Variants in KIF17 observed in about 807,000 individuals in gnomAD.
KIF17 encodes kinesin-like protein KIF17.
In KIF17, 80 loss-of-function variants were observed where a neutral mutation model predicts 96.8. The observed-to-expected ratio is 0.83, with a 90% confidence interval of 0.69 to 1.00. KIF17 has a LOEUF of 1.00. Among genes scored for constraint, KIF17 ranks in the 50% least tolerant of loss-of-function variants. KIF17 has a pLI of 0.00. For missense variants in KIF17, 1,280 were observed against 1,372.9 expected (o/e 0.93, Z 1.07); for synonymous variants, 567 against 587.5 (o/e 0.97, Z 0.51).
intron 6 of KIF17, among the ~76,000 whole-genome samples, chr1:20,694,911 C>G (rs1312114221): frequency 6.6e-6 from 1 of 152,168 alleles, no homozygotes; most frequent in Non-Finnish European, 1.5e-5. Flanking sequence ...ACTCCCTCAC[C>G]CAGCCCCTCT....
rs776193819 is a variant in KIF17 at position 20,682,595 on chromosome 1, C to A, written c.2463+58G>T. On this transcript the variant is annotated intron_variant, in intron 11 of 14. Coordinates refer to ENST00000400463, the MANE Select transcript of KIF17 (RefSeq NM_001122819.3). The stretch of plus-strand genomic sequence containing the variant: ...CTACAAGGTGTAGGGATGCCTGGAT[C>A]GGGGGGTCTCACCCATCTCTGGGCA... 6.1e-6 allele frequency: 9 copies of A among 1,470,712 alleles called. No individual in the cohort carries two copies. In the South Asian group the frequency reaches 6.8e-5, roughly 11 times the overall value. 91.1% of individuals were successfully genotyped at this position (1,470,712 alleles called of 1,614,324 possible). A position where few individuals can be genotyped will look rare whatever the true frequency, so the allele number is the denominator to read the frequency against.
chr1:20,704,878 A>G lies in KIF17; in HGVS notation c.692T>C (p.Leu231Pro), dbSNP rs927719157. ...CACCAGGTTCAGCTTGCCCGCCCGGAGGTGGTCCTTGCCCCGCTCATCTGC... is the reference window on the plus strand; with the variant it reads ...CACCAGGTTCAGCTTGCCCGCCCGGGGGTGGTCCTTGCCCCGCTCATCTGC... ...SAVDERGKDH[L>P]RAGKLNLVDL... Residue 231 changes from leucine (L) to proline (P), a missense_variant, in exon 5 of 15, where the codon CTC becomes CCC. By Grantham distance (98) the Leu-to-Pro change is moderately conservative. Transcript: ENST00000400463. This position sits in a 1 kb window ranked among gnomAD's most constrained non-coding sequence, Gnocchi z 6.8. 6.2e-7 allele frequency: 1 copy of G among 1,600,930 alleles called. No homozygotes were observed. The highest frequency in any genetic ancestry group is 1.1e-5 in the South Asian group (1 of 91,082).
chr1:20,684,969 G>T lies in KIF17; in HGVS notation c.2071C>A (p.Pro691Thr), dbSNP rs937549224. 1.2e-6 allele frequency: 2 copies of T among 1,605,798 alleles called. No individual in the cohort carries two copies. Among genetic ancestry groups the T allele is most frequent in the Admixed American group, 1.7e-5 (1 of 58,846 alleles). Residue 691 changes from proline (P) to threonine (T), a missense_variant, in exon 10 of 15, where the codon CCT becomes ACT. Coordinates refer to ENST00000400463, the MANE Select transcript of KIF17 (RefSeq NM_001122819.3). ...VALEVVRTAE[P>T]GVWLEAQAPV... ...GCCTGAGCCTCCAACCACACGCCAG[G>T]CTCTGCTGTCCGCACCACCTCTAAG... is the stretch of plus-strand genomic sequence containing the variant.
intron 6 of KIF17, among the ~76,000 whole-genome samples, chr1:20,694,186 C>T (rs987298431): frequency 6.6e-6 from 1 of 151,974 alleles, no homozygotes; most frequent in African/African-American, 2.4e-5. Flanking sequence ...TAACCTCCAC[C>T]TCCCAGGTTC....
chr1:20,711,972 C>A (rs1473938181), intron 3 of KIF17, among the ~76,000 whole-genome samples: 1 of 152,130 alleles, frequency 6.6e-6, no homozygotes, highest in African/African-American at 2.4e-5. Flanking sequence ...TGCACATCCT[C>A]CACGAGGGAG....
rs766560487 is a variant in KIF17 at position 20,684,471 on chromosome 1, T to C, written c.2231+338A>G. On this transcript the variant is annotated intron_variant, in intron 10 of 14. Transcript: ENST00000400463. ...GTCCCAGAGAGTGCCTGGGGATGGC[T>C]TGTCCTGTGGGTGAGTGGGTCTCAC... Among the ~76,000 whole-genome samples, 105 of 152,208 alleles carry C rather than the reference T, an allele frequency of 6.9e-4. 1 individual carries two copies. The highest frequency in any genetic ancestry group is 1.2e-4 in the Non-Finnish European group (8 of 68,032).
intron 6 of KIF17, among the ~76,000 whole-genome samples, chr1:20,697,254 C>A (rs12409944): frequency 0.067 from 10,157 of 152,210 alleles, 404 homozygotes; most frequent in Admixed American, 0.11. Flanking sequence ...CCAGGCCTAG[C>A]CCCGGGATAG....
chr1:20,710,313 G>A (rs77134596), intron 3 of KIF17, among the ~76,000 whole-genome samples: 5,958 of 152,178 alleles, frequency 0.039, 383 homozygotes, highest in African/African-American at 0.13. Context: ...CCCTTTGCCC[G>A]TTGCTAAGGC....
chr1:20,677,966 T>G (rs1381955693), intron 11 of KIF17, among the ~76,000 whole-genome samples: 1 of 152,248 alleles, frequency 6.6e-6, no homozygotes, highest in Non-Finnish European at 1.5e-5. Context: ...TAGAGCTACT[T>G]TTATCTAAGA....
chr1:20,705,271 G>A (rs2054321520), intron 4 of KIF17, among the ~76,000 whole-genome samples: 4 of 152,192 alleles, frequency 2.6e-5, no homozygotes, highest in South Asian at 4.1e-4. Context: ...GCAGGGGTGT[G>A]GGCTGGATCA....
In KIF17 at chr1:20,698,383, C is replaced by G; in HGVS notation, c.1229G>C (p.Arg410Pro). The G allele has an allele frequency of 6.2e-7, 1 of 1,612,582 alleles. No individual in the cohort carries two copies. The highest frequency in any genetic ancestry group is 8.5e-7 in the Non-Finnish European group (1 of 1,178,876). Reference protein sequence around the residue: ...HDVEAEKQLIREEYEERLARL... With the variant: ...HDVEAEKQLIPEEYEERLARL... ...TCCCACCCGCTTGGGTCTCACCTCCCGGATCAGCTGCTTCTCGGCCTCCAC... is the reference window on the plus strand; with the variant it reads ...TCCCACCCGCTTGGGTCTCACCTCCGGGATCAGCTGCTTCTCGGCCTCCAC... The change falls in exon 6 of 15, where the codon CGG (arginine) becomes CCG (proline). Residue 410 changes from arginine to proline, a missense_variant. Arg to Pro is a moderately radical substitution (Grantham distance 103). Transcript: ENST00000400463.
intron 10 of KIF17, among the ~76,000 whole-genome samples, chr1:20,683,535 A>T (rs1320796392): frequency 2.6e-5 from 4 of 152,066 alleles, no homozygotes; most frequent in African/African-American, 4.8e-5. Flanking sequence ...CACACCTGTA[A>T]TCCCAGCTAC....
Position 20,664,173 on chromosome 1 carries a change from G to T in KIF17, c.*411C>A. ...AGGAAGTGGGGCCAGTCAGACAGAG[G>T]CACAGTTCCTTCCCAGCTGATATTG... On this transcript the variant is annotated 3_prime_UTR_variant, in exon 15 of 15. Transcript: ENST00000400463. 5.5e-6 allele frequency: 2 copies of T among 360,586 alleles called. No homozygotes were observed. Among genetic ancestry groups the T allele is most frequent in the Non-Finnish European group, 9.9e-6 (2 of 202,194 alleles). The allele number at this position is 360,586 out of a possible 1,614,324, so 22.3% of individuals were successfully genotyped here.
At position 20,690,352 on chromosome 1, in the gene KIF17, G is replaced by GGGGGCCCCA; in HGVS notation, c.1234-18_1234-17insTGGGGCCCC. The GGGGGCCCCA allele has an allele frequency of 6.6e-6, 3 of 451,156 alleles. No individual in the cohort carries two copies. Among genetic ancestry groups the GGGGGCCCCA allele is most frequent in the Non-Finnish European group, 1.3e-5 (3 of 235,134 alleles). The allele number at this position is 451,156 out of a possible 1,614,324, so 27.9% of individuals were successfully genotyped here. ...TTCATACTCCTGGGGGGGTGGGAGG[G>GGGGGCCCCA]ACCAGAGGGCAGGCAGCATTTTATC... On this transcript the variant is annotated splice_polypyrimidine_tract_variant and intron_variant, in intron 6 of 14. Transcript: ENST00000400463.
rs531494028 is a variant in KIF17 at position 20,683,113 on chromosome 1, G to A, written c.2232-229C>T. On this transcript the variant is annotated intron_variant, in intron 10 of 14. Transcript: ENST00000400463. ...CTTGACCACAGTGGCAGGTCAGGGC[G>A]GGAATCTTCCTGTGGGCTCAGCTAA... 4.2e-3 allele frequency among the ~76,000 whole-genome samples: 641 copies of A among 152,282 alleles called. 2 individuals carry two copies. The highest frequency in any genetic ancestry group is 7.0e-3 in the Non-Finnish European group (476 of 68,024).
At chr1:20,680,025 T>C (rs1164896878) in intron 11 of KIF17, among the ~76,000 whole-genome samples, 3 of 152,172 alleles carry the variant, frequency 2.0e-5, no homozygotes, top group African/African-American at 7.2e-5. Context: ...CATGCTGCTA[T>C]CCAGGCTGGA....
rs2054206288 is a variant in KIF17 at position 20,700,046 on chromosome 1, A to C, written c.1124-1558T>G. Among the ~76,000 whole-genome samples the C allele has an allele frequency of 6.6e-6, 1 of 152,026 alleles. No homozygotes were observed. On this transcript the variant is annotated intron_variant, in intron 5 of 14. Transcript: ENST00000400463. This position sits in a 1 kb window ranked among gnomAD's most constrained non-coding sequence, Gnocchi z 4.6. ...AAACTCAGTCTGGAGGGCAGCAGTG[A>C]ACTGGCTGTAGCCAGTTTTTGTTTT...
At chr1:20,696,389 C>T (rs2054139693) in intron 6 of KIF17, among the ~76,000 whole-genome samples, 1 of 152,202 alleles carries the variant, frequency 6.6e-6, no homozygotes, top group South Asian at 2.1e-4. Flanking sequence ...ACATCTTCAA[C>T]GCTTCCTCCA....
At chr1:20,681,308 GCCT>G (rs1299301037) in intron 11 of KIF17, among the ~76,000 whole-genome samples, 1 of 151,082 alleles carries the variant, frequency 6.6e-6, no homozygotes, top group Non-Finnish European at 1.5e-5. Flanking sequence ...TCCTGCCTCA[GCCT>G]CCTGAGTAGC....
Sources: allele counts gnomAD v4.1 joint callset (sites outside exome capture counted in the v4.1 genomes callset), GRCh38; gene constraint gnomAD v4.1.1; non-coding constraint Gnocchi (gnomAD v3.1); transcripts MANE v1.5; gene names NCBI Gene and HGNC (gene_info 2026-07-23, HGNC 2026-07-21).